BMPR2: variants seen among roughly 807,000 people sequenced by gnomAD.
The protein encoded by BMPR2 is bone morphogenetic protein receptor type-2.
A neutral mutation model predicts 100.8 loss-of-function variants in BMPR2; 29 were observed. The observed-to-expected ratio is 0.29, with a 90% CI of 0.21 to 0.39. The LOEUF is 0.39. Among genes scored for constraint, BMPR2 ranks in the 10% least tolerant of loss-of-function variants. BMPR2 has a pLI of 1.00. For synonymous variants in BMPR2, 382 were observed against 442.3 expected, an observed-to-expected ratio of 0.86 and a Z score of 1.71; for missense variants, 1,011 against 1,274.5, an observed-to-expected ratio of 0.79 and a Z score of 3.15.
At chr2:202,513,894 C>G (rs1232116818) in intron 4 of BMPR2, 65 bp downstream of exon 4, 1 of 1,273,238 alleles carries the variant, frequency 7.9e-7, no homozygotes, top group Non-Finnish European at 1.1e-6. Context: ...TTATTTGCTC[C>G]TTTTAAATTC....
Position 202,442,815 on chromosome 2 carries a change from A to G in BMPR2, c.77-21994A>G, listed in dbSNP as rs191813319. 9.5e-4 allele frequency among the ~76,000 whole-genome samples: 143 copies of G among 150,828 alleles called. 1 individual carries two copies. Among genetic ancestry groups the G allele is most frequent in the East Asian group, 3.9e-4 (2 of 5,188 alleles). On this transcript the variant is annotated intron_variant, in intron 1 of 12. Coordinates refer to ENST00000374580, the MANE Select transcript of BMPR2 (RefSeq NM_001204.7). ...CTGAATAATATTCTCTTGTATGTAT[A>G]TACCATATTTTGTTTATCTGTTCAT...
At chr2:202,548,316 A>G (rs1688411640) in intron 10 of BMPR2, among the ~76,000 whole-genome samples, 1 of 152,016 alleles carries the variant, frequency 6.6e-6, no homozygotes, top group South Asian at 2.1e-4. Flanking sequence ...GCCAGGTGCA[A>G]TAGTGCACAC....
chr2:202,541,124 C>T (rs949649921), intron 9 of BMPR2, among the ~76,000 whole-genome samples: 1 of 152,152 alleles, frequency 6.6e-6, no homozygotes, highest in Non-Finnish European at 1.5e-5. Context: ...AGTCCATGAT[C>T]TAAATACTAC....
rs1688011730 is a variant in BMPR2, at chr2:202,530,894, G to A, written c.1068G>A (p.Met356Ile). Residue 356 changes from methionine (M) to isoleucine (I), a missense_variant, in exon 8 of 13, where the codon ATG becomes ATA. Transcript: ENST00000374580. ...TTATTAGTGACTTTGGACTGTCCAT[G>A]AGGCTGACTGGAAATAGACTGGTGC... ...TCVISDFGLS[M>I]RLTGNRLVRP... is the part of the protein sequence containing the mutation. The A allele has an allele frequency of 1.2e-6, 2 of 1,614,174 alleles. No homozygotes were observed. Among genetic ancestry groups the A allele is most frequent in the East Asian group, 4.5e-5 (2 of 44,882 alleles).
intron 1 of BMPR2, among the ~76,000 whole-genome samples, chr2:202,433,334 A>G (rs1249355531): frequency 6.6e-6 from 1 of 150,614 alleles, no homozygotes; most frequent in Non-Finnish European, 1.5e-5. Flanking sequence ...TGGAAAATGC[A>G]TATTATGAAA....
At chr2:202,427,923 G>A (rs570424026) in intron 1 of BMPR2, among the ~76,000 whole-genome samples, 5 of 152,270 alleles carry the variant, frequency 3.3e-5, no homozygotes, top group Admixed American at 3.3e-4. Context: ...TAGTTGCAGT[G>A]AGCTGAGATC....
intron 9 of BMPR2, among the ~76,000 whole-genome samples, chr2:202,539,870 C>T (rs559712722): frequency 6.6e-6 from 1 of 152,148 alleles, no homozygotes; most frequent in East Asian, 1.9e-4. Context: ...ATATTTTGGG[C>T]AGTTCTAAAG....
intron 1 of BMPR2, among the ~76,000 whole-genome samples, chr2:202,385,361 CTTTT>C (rs1161944548): frequency 1.2e-5 from 1 of 86,336 alleles, no homozygotes; most frequent in African/African-American, 4.9e-5. Flanking sequence ...AAAAAAGATG[CTTTT>C]TTTTTTTTTT....
chr2:202,464,186 T>C (rs1017641770), intron 1 of BMPR2, among the ~76,000 whole-genome samples: 1 of 148,818 alleles, frequency 6.7e-6, no homozygotes, highest in Non-Finnish European at 1.5e-5. Flanking sequence ...AAAAAAGAAT[T>C]TTTTTTTATT....
intron 1 of BMPR2, among the ~76,000 whole-genome samples, chr2:202,447,532 C>G (rs1691876343): frequency 6.7e-6 from 1 of 150,282 alleles, no homozygotes; most frequent in South Asian, 2.1e-4. Flanking sequence ...TTTTAAAATA[C>G]TAGACAGGCA....
At chr2:202,465,993 G>A (rs1692313330) in intron 2 of BMPR2, among the ~76,000 whole-genome samples, 1 of 152,088 alleles carries the variant, frequency 6.6e-6, no homozygotes. Context: ...TTGTATATAT[G>A]TATCATAGTT....
At chr2:202,521,260 A>T (rs145818102) in intron 7 of BMPR2, among the ~76,000 whole-genome samples, 1 of 152,302 alleles carries the variant, frequency 6.6e-6, no homozygotes, top group Non-Finnish European at 1.5e-5. Context: ...ACAACCTGCT[A>T]CTTCAGTTGG....
intron 7 of BMPR2, among the ~76,000 whole-genome samples, chr2:202,527,567 T>C (rs1247213300): frequency 6.8e-6 from 1 of 146,368 alleles, no homozygotes. Flanking sequence ...GGGTGGATCA[T>C]GAGGTCAGGA....
chr2:202,443,851 C>T lies in BMPR2; in HGVS notation c.77-20958C>T, dbSNP rs143456773. ...TTTTCCTCCTTTAGCTCATTGACAT[C>T]TTGTACCAGATAATTTTTTTTCCAG... On this transcript the variant is annotated intron_variant, in intron 1 of 12. Coordinates refer to ENST00000374580, the MANE Select transcript of BMPR2 (RefSeq NM_001204.7). Among the ~76,000 whole-genome samples, 23 of 150,568 alleles carry T rather than the reference C, an allele frequency of 1.5e-4. 1 individual carries two copies. Among genetic ancestry groups the T allele is most frequent in the African/African-American group, 5.8e-4 (23 of 39,948 alleles).
intron 1 of BMPR2, among the ~76,000 whole-genome samples, chr2:202,400,685 T>C (rs1003662041): frequency 6.6e-6 from 1 of 152,326 alleles, no homozygotes; most frequent in South Asian, 2.1e-4. Context: ...TTCTACTTGG[T>C]GATTTTCATA....
intron 1 of BMPR2, among the ~76,000 whole-genome samples, chr2:202,426,709 C>G (rs568507062): frequency 6.6e-6 from 1 of 151,828 alleles, no homozygotes; most frequent in Non-Finnish European, 1.5e-5. Context: ...TAGTAAGATC[C>G]CGTCTCTTCA....
chr2:202,420,296 T>G (rs1292981477), intron 1 of BMPR2, among the ~76,000 whole-genome samples: 1 of 152,006 alleles, frequency 6.6e-6, no homozygotes, highest in Non-Finnish European at 1.5e-5. Context: ...AATGAGCAAT[T>G]ACAAAATTAA....
rs576300751 is a variant in BMPR2 at position 202,538,568 on chromosome 2, G to A, written c.1277-3743G>A. Among the ~76,000 whole-genome samples the A allele has an allele frequency of 9.2e-5, 14 of 152,226 alleles. No individual in the cohort carries two copies. The East Asian group carries it at 2.7e-3, about 29-fold the overall frequency. On this transcript the variant is annotated intron_variant, in intron 9 of 12. Coordinates refer to ENST00000374580, the MANE Select transcript of BMPR2 (RefSeq NM_001204.7). ...GCACTTTGGGAGGCCAAGGCTAGTG[G>A]ATCACCTGAGGTCAGGAGTTTGAGA... is the stretch of plus-strand genomic sequence containing the variant.
intron 1 of BMPR2, among the ~76,000 whole-genome samples, chr2:202,413,825 G>A (rs988376700): frequency 4.6e-5 from 7 of 151,880 alleles, no homozygotes; most frequent in African/African-American, 4.8e-5. Context: ...CTGCCACGCC[G>A]CCAAATTTTT....
Sources: allele counts gnomAD v4.1 joint callset (sites outside exome capture counted in the v4.1 genomes callset), GRCh38; gene constraint gnomAD v4.1.1; transcripts MANE v1.5; gene names NCBI Gene and HGNC (gene_info 2026-07-23, HGNC 2026-07-21).